Variants in CPLX2 observed in about 807,000 individuals in gnomAD.
CPLX2 encodes the protein complexin-2.
A neutral mutation model predicts 16.3 loss-of-function variants in CPLX2; 5 were observed. The observed-to-expected ratio is 0.31, with a 90% confidence interval of 0.16 to 0.64. The LOEUF is 0.64. Ranked by LOEUF, CPLX2 falls within the 30% of genes least tolerant of loss-of-function variation. The pLI, the probability that CPLX2 is intolerant of heterozygous loss-of-function variation, is 0.79. For synonymous variants in CPLX2, 89 were observed against 73.2 expected, an observed-to-expected ratio of 1.22 and a Z score of -1.10; for missense variants, 144 against 181.4, an observed-to-expected ratio of 0.79 and a Z score of 1.18.
chr5:175,837,688 C>A (rs1290291427), intron 2 of CPLX2: 1 of 152,262 alleles, frequency 6.6e-6, no homozygotes, highest in African/African-American at 2.4e-5. Context: ...CCACAGCTAA[C>A]AATAAAGCTG....
At position 175,878,891 on chromosome 5, in the gene CPLX2, C is replaced by T. The variant is rs373302730; in HGVS notation, c.32-17C>T. Reference sequence around the variant, plus strand: ...CCTAGCTGACCCCGCCCTCTCCTTCCCACCCCTTCCTCGTAGGGGCCACAA... The same window carrying T: ...CCTAGCTGACCCCGCCCTCTCCTTCTCACCCCTTCCTCGTAGGGGCCACAA... On this transcript the variant is annotated splice_polypyrimidine_tract_variant and intron_variant, in intron 2 of 3. Transcript: ENST00000393745. The T allele has an allele frequency of 4.3e-5, 69 of 1,611,566 alleles. No individual in the cohort carries two copies. The highest frequency in any genetic ancestry group is 5.2e-5 in the Non-Finnish European group (61 of 1,178,898).
intron 2 of CPLX2, among the ~76,000 whole-genome samples, chr5:175,816,730 G>A (rs79793525): frequency 0.01 from 1,529 of 152,318 alleles, 18 homozygotes; most frequent in African/African-American, 0.035. Context: ...CAGCATCACT[G>A]AGAACCAGAG....
In CPLX2 at chr5:175,809,948, C is replaced by A. The variant is rs561233398; in HGVS notation, c.-89+880C>A. ...GAGATCGCTCGATCGCTATAGATAT[C>A]GTTGCTCATCCAGATGGGAGCTATT... On this transcript the variant is annotated intron_variant, in intron 2 of 4. Coordinates refer to the CPLX2 transcript ENST00000359546. The surrounding 1 kb of genome is among the most constrained non-coding windows in gnomAD (Gnocchi z 4.4). 6.6e-6 allele frequency among the ~76,000 whole-genome samples: 1 copy of A among 152,168 alleles called. No individual in the cohort carries two copies. Among genetic ancestry groups the A allele is most frequent in the Non-Finnish European group, 1.5e-5 (1 of 68,032 alleles).
At chr5:175,864,743 C>T (rs1232701152) in intron 2 of CPLX2, among the ~76,000 whole-genome samples, 1 of 152,126 alleles carries the variant, frequency 6.6e-6, no homozygotes, top group Non-Finnish European at 1.5e-5. Flanking sequence ...GTGAAAAATG[C>T]TTGCTACATA....
chr5:175,848,493 G>A (rs572926368), intron 2 of CPLX2, among the ~76,000 whole-genome samples: 1 of 152,308 alleles, frequency 6.6e-6, no homozygotes, highest in African/African-American at 2.4e-5. Context: ...TGTTCAGTGT[G>A]ACTGAAGGAG....
In CPLX2 at chr5:175,880,405, T is replaced by G; in HGVS notation, c.*360T>G. The G allele has an allele frequency of 5.5e-6, 2 of 366,110 alleles. No homozygotes were observed. The highest frequency in any genetic ancestry group is 1.1e-5 in the Non-Finnish European group (2 of 188,234). 22.7% of individuals were successfully genotyped at this position (366,110 alleles called of 1,614,324 possible). A position where few individuals can be genotyped will look rare whatever the true frequency, so the allele number is the denominator to read the frequency against. ...CCCAGCCAGCCAAAGTAATGACACATTCCAGCCCTGCCCAGCATGCTGACC... is the reference window on the plus strand; with the variant it reads ...CCCAGCCAGCCAAAGTAATGACACAGTCCAGCCCTGCCCAGCATGCTGACC... On this transcript the variant is annotated 3_prime_UTR_variant, in exon 4 of 4. Transcript: ENST00000393745.
chr5:175,871,381 G>A (rs1197726042), upstream of CPLX2: 10 of 135,344 alleles, frequency 7.4e-5, no homozygotes, highest in Admixed American at 7.6e-4. Context: ...GAGGGGACGA[G>A]GGGGGAGGGA....
Position 175,830,634 on chromosome 5 carries a change from A to G in CPLX2, c.-89+21566A>G, listed in dbSNP as rs963547004. On this transcript the variant is annotated intron_variant, in intron 2 of 4. Transcript: ENST00000359546. The surrounding 1 kb of genome is among the most constrained non-coding windows in gnomAD (Gnocchi z 4.0). ...TCATACATAGCTCTGCAGGCAGGCA[A>G]GGGATGAGCACAATCCAGTCTCTGG... Among the ~76,000 whole-genome samples, 44 of 152,240 alleles carry G rather than the reference A, an allele frequency of 2.9e-4. No homozygotes were observed. The highest frequency in any genetic ancestry group is 1.1e-3 in the African/African-American group (44 of 41,472).
chr5:175,829,605 TCTGCACCC>T (rs1032016306), intron 2 of CPLX2, among the ~76,000 whole-genome samples: 17 of 152,180 alleles, frequency 1.1e-4, no homozygotes, highest in African/African-American at 4.1e-4. Context: ...AATCTAAGTC[TCTGCACCC>T]CTATATCTCC....
At position 175,879,035 on chromosome 5, in the gene CPLX2, G is replaced by C; in HGVS notation, c.159G>C (p.Ala53=). ...AGGAGGAGCGTAAGGCCAAGCACGC[G>C]CGCATGGAGGCGGAGCGGGAGAAGG... ...QQEEERKAKH[A]RMEAEREKVR... The change falls in exon 3 of 4, where the codon GCG becomes GCC. Residue 53 remains alanine (A), a synonymous_variant. Transcript: ENST00000393745. 2 of 1,590,006 alleles carry C rather than the reference G, an allele frequency of 1.3e-6. No homozygotes were observed. Among genetic ancestry groups the C allele is most frequent in the East Asian group, 4.6e-5 (2 of 43,434 alleles).
chr5:175,801,060 A>G (rs1157576411), intron 1 of CPLX2, among the ~76,000 whole-genome samples: 4 of 151,522 alleles, frequency 2.6e-5, no homozygotes, highest in Non-Finnish European at 5.9e-5. Context: ...GGGAGGGGGC[A>G]GAGAGGAGAT....
At chr5:175,811,084 G>C (rs1402634823) in intron 2 of CPLX2, among the ~76,000 whole-genome samples, 1 of 152,230 alleles carries the variant, frequency 6.6e-6, no homozygotes, top group African/African-American at 2.4e-5. Flanking sequence ...AGGATTAAAT[G>C]AGATAATATA....
chr5:175,850,825 C>A (rs943670570), intron 2 of CPLX2, among the ~76,000 whole-genome samples: 1 of 151,974 alleles, frequency 6.6e-6, no homozygotes, highest in African/African-American at 2.4e-5. Flanking sequence ...CTCACTGAGT[C>A]GGAACCAGGT....
rs70988299 is a variant in CPLX2 at position 175,799,539 on chromosome 5, C to CATATATATATAT, written c.-169+2781_-169+2792dup. 2.1e-4 allele frequency among the ~76,000 whole-genome samples: 15 copies of CATATATATATAT among 72,254 alleles called. 1 individual carries two copies. Among genetic ancestry groups the CATATATATATAT allele is most frequent in the South Asian group, 1.0e-3 (2 of 1,982 alleles). The allele number at this position is 72,254 out of a possible 152,430, so 47.4% of individuals were successfully genotyped here. A position where few individuals can be genotyped will look rare whatever the true frequency, so the allele number is the denominator to read the frequency against. On this transcript the variant is annotated intron_variant, in intron 1 of 4. Coordinates refer to the CPLX2 transcript ENST00000359546. ...ATCTTTGAGATCCCTTTGCAAATTT[C>CATATATATATAT]ATATATATATATATATATATATATA...
At chr5:175,796,942 C>A (rs1377715755) in intron 1 of CPLX2, among the ~76,000 whole-genome samples, 1 of 152,082 alleles carries the variant, frequency 6.6e-6, no homozygotes, top group Non-Finnish European at 1.5e-5. Flanking sequence ...CCGCCGGCGG[C>A]TCTTCCGGGG....
At chr5:175,843,576 TG>T (rs764616910) in intron 2 of CPLX2, among the ~76,000 whole-genome samples, 1 of 152,220 alleles carries the variant, frequency 6.6e-6, no homozygotes, top group Non-Finnish European at 1.5e-5. Flanking sequence ...CCCCTGCTGA[TG>T]GGGCCCCTGA....
At chr5:175,826,846 G>C (rs559256247) in intron 2 of CPLX2, among the ~76,000 whole-genome samples, 2 of 152,322 alleles carry the variant, frequency 1.3e-5, no homozygotes, top group African/African-American at 4.8e-5. Flanking sequence ...AGTTGCAAGT[G>C]AGCAAAATCC....
At chr5:175,859,698 C>A (rs1759325954) in intron 2 of CPLX2, among the ~76,000 whole-genome samples, 1 of 152,222 alleles carries the variant, frequency 6.6e-6, no homozygotes, top group African/African-American at 2.4e-5. Flanking sequence ...TGGACTTTGG[C>A]AAATCTTTAA....
intron 2 of CPLX2, among the ~76,000 whole-genome samples, chr5:175,848,729 C>T (rs544377962): frequency 6.6e-6 from 1 of 152,212 alleles, no homozygotes; most frequent in Non-Finnish European, 1.5e-5. Flanking sequence ...AAGTGAGGTC[C>T]TGTTTTAAAT....
Sources: allele counts gnomAD v4.1 joint callset (sites outside exome capture counted in the v4.1 genomes callset), GRCh38; gene constraint gnomAD v4.1.1; non-coding constraint Gnocchi (gnomAD v3.1); transcripts MANE v1.5; gene names NCBI Gene and HGNC (gene_info 2026-07-23, HGNC 2026-07-21).